The following PLCB1 variants were observed in gnomAD, a reference collection of about 807,000 sequenced individuals.
PLCB1 encodes 1-phosphatidylinositol 4,5-bisphosphate phosphodiesterase beta-1.
In PLCB1, 46 loss-of-function variants were observed where a neutral mutation model predicts 161.8. The ratio of observed to expected loss-of-function variants is 0.28; its 90% confidence interval spans 0.22 to 0.36. The LOEUF is 0.36. PLCB1 is among the 10% of genes least tolerant of loss of function. The probability of loss-of-function intolerance (pLI) is 1.00; values close to 1 mark genes in which losing one functional copy is unlikely to be tolerated. For synonymous variants in PLCB1, 517 were observed against 503.7 expected (o/e 1.03, Z -0.35); for missense variants, 1,016 against 1,472.5 (o/e 0.69, Z 5.07).
At chr20:8,575,821 G>C (rs532108692) in intron 3 of PLCB1, among the ~76,000 whole-genome samples, 1 of 152,200 alleles carries the variant, frequency 6.6e-6, no homozygotes, top group African/African-American at 2.4e-5. Context: ...AGAGATTGTG[G>C]TCTATGCTAC....
At chr20:8,321,759 C>T (rs1984930592) in intron 2 of PLCB1, among the ~76,000 whole-genome samples, 1 of 152,160 alleles carries the variant, frequency 6.6e-6, no homozygotes, top group African/African-American at 2.4e-5. Context: ...TTAAATGCCA[C>T]CATCCTTTGT....
intron 3 of PLCB1, among the ~76,000 whole-genome samples, chr20:8,446,893 A>G (rs1980859626): frequency 6.6e-6 from 1 of 152,112 alleles, no homozygotes; most frequent in African/African-American, 2.4e-5. Context: ...GGAAGATGTT[A>G]TCTTCTAATT....
intron 3 of PLCB1, among the ~76,000 whole-genome samples, chr20:8,577,499 A>C (rs373900202): frequency 1.3e-5 from 2 of 151,810 alleles, no homozygotes; most frequent in Admixed American, 6.6e-5. Flanking sequence ...AGCATTTCAC[A>C]TTTTCCTTGA....
chr20:8,398,860 C>G (rs1021677443), intron 3 of PLCB1, among the ~76,000 whole-genome samples: 1 of 151,780 alleles, frequency 6.6e-6, no homozygotes, highest in Non-Finnish European at 1.5e-5. Context: ...CTATCGTACC[C>G]TAGAGGTGCA....
intron 3 of PLCB1, among the ~76,000 whole-genome samples, chr20:8,605,316 T>A (rs1987723538): frequency 6.6e-6 from 1 of 152,078 alleles, no homozygotes; most frequent in Non-Finnish European, 1.5e-5. Context: ...CGAGAAATAT[T>A]CTTCTACAAT....
chr20:8,447,816 G>T (rs552054811), intron 3 of PLCB1, among the ~76,000 whole-genome samples: 21 of 152,284 alleles, frequency 1.4e-4, no homozygotes, highest in Admixed American at 1.3e-3. Flanking sequence ...GGGCTGAAGT[G>T]GGGGAGGGCA....
intron 2 of PLCB1, among the ~76,000 whole-genome samples, chr20:8,232,562 G>A (rs533158107): frequency 6.6e-6 from 1 of 152,222 alleles, no homozygotes; most frequent in African/African-American, 2.4e-5. Context: ...TGCCATCCAG[G>A]CCTGCAACAG....
chr20:8,604,117 G>A (rs1987683877), intron 3 of PLCB1, among the ~76,000 whole-genome samples: 1 of 151,992 alleles, frequency 6.6e-6, no homozygotes, highest in African/African-American at 2.4e-5. Context: ...GCTAGGTATG[G>A]TGGCATGTGC....
intron 26 of PLCB1, among the ~76,000 whole-genome samples, chr20:8,773,374 A>G (rs1177995705): frequency 6.6e-6 from 1 of 152,114 alleles, no homozygotes; most frequent in Non-Finnish European, 1.5e-5. Flanking sequence ...CTTTCTTTCC[A>G]CTGTTTCCTA....
intron 4 of PLCB1, among the ~76,000 whole-genome samples, chr20:8,642,846 T>A (rs147992166): frequency 6.6e-6 from 1 of 152,318 alleles, no homozygotes; most frequent in East Asian, 1.9e-4. Flanking sequence ...TATCTTGCCC[T>A]CAGTTATAGA....
chr20:8,665,612 A>G (rs1203525582), intron 9 of PLCB1, among the ~76,000 whole-genome samples: 1 of 152,232 alleles, frequency 6.6e-6, no homozygotes, highest in South Asian at 2.1e-4. Flanking sequence ...TTTTTATTAA[A>G]ATGGAATTAT....
intron 3 of PLCB1, among the ~76,000 whole-genome samples, chr20:8,416,143 G>GAA (rs1979261478): frequency 6.6e-6 from 1 of 152,212 alleles, no homozygotes; most frequent in Non-Finnish European, 1.5e-5. Context: ...TGACTCATGT[G>GAA]TGTTGAGTTA....
chr20:8,198,951 GACAC>G (rs139256873), intron 2 of PLCB1, among the ~76,000 whole-genome samples: 3 of 149,440 alleles, frequency 2.0e-5, no homozygotes, highest in South Asian at 4.2e-4. Flanking sequence ...CAGACAGACA[GACAC>G]ACACACACAC....
At chr20:8,190,559 A>T (rs1180065368) in intron 2 of PLCB1, among the ~76,000 whole-genome samples, 1 of 152,104 alleles carries the variant, frequency 6.6e-6, no homozygotes, top group Non-Finnish European at 1.5e-5. Flanking sequence ...CTTGATGGTC[A>T]GGCCTCCAGG....
intron 2 of PLCB1, among the ~76,000 whole-genome samples, chr20:8,256,163 G>T (rs1600266197): frequency 6.6e-6 from 1 of 152,098 alleles, no homozygotes; most frequent in African/African-American, 2.4e-5. Flanking sequence ...ATGCATGACT[G>T]TATTTCCTGT....
intron 2 of PLCB1, among the ~76,000 whole-genome samples, chr20:8,265,382 C>A (rs941739901): frequency 6.6e-6 from 1 of 152,090 alleles, no homozygotes; most frequent in African/African-American, 2.4e-5. Flanking sequence ...GGCGAAGTAC[C>A]ATTTAAGACT....
At chr20:8,213,016 T>A (rs1440780179) in intron 2 of PLCB1, among the ~76,000 whole-genome samples, 2 of 152,098 alleles carry the variant, frequency 1.3e-5, no homozygotes, top group East Asian at 3.9e-4. Context: ...GAATGGCCAC[T>A]TCATTCAAGC....
chr20:8,694,679 A>G (rs574423582), intron 10 of PLCB1, among the ~76,000 whole-genome samples: 4 of 152,322 alleles, frequency 2.6e-5, no homozygotes, highest in African/African-American at 4.8e-5. Flanking sequence ...TAAATTCTTC[A>G]CACTATCCTT....
chr20:8,251,916 G>T (rs1981165302), intron 2 of PLCB1, among the ~76,000 whole-genome samples: 1 of 151,918 alleles, frequency 6.6e-6, no homozygotes, highest in Non-Finnish European at 1.5e-5. Flanking sequence ...AGGAATCTGG[G>T]TGTGAGTATT....
Sources: allele counts gnomAD v4.1 joint callset (sites outside exome capture counted in the v4.1 genomes callset), GRCh38; gene constraint gnomAD v4.1.1; transcripts MANE v1.5; gene names NCBI Gene and HGNC (gene_info 2026-07-23, HGNC 2026-07-21).